Variants in SYK observed in about 807,000 individuals in gnomAD.
SYK encodes spleen associated tyrosine kinase, also known as tyrosine-protein kinase SYK.
In SYK, 16 loss-of-function variants were observed where a neutral mutation model predicts 77.8. That is an observed-to-expected ratio of 0.21 (90% CI 0.14 to 0.31). The LOEUF (loss-of-function observed/expected upper bound fraction) is 0.31. Ranked by LOEUF, SYK falls within the 10% of genes least tolerant of loss-of-function variation. The pLI, the probability that SYK is intolerant of heterozygous loss-of-function variation, is 1.00. For synonymous variants in SYK, 312 were observed against 308.7 expected (o/e 1.01, Z -0.11); for missense variants, 529 against 814.4 (o/e 0.65, Z 4.26).
At position 90,895,699 on chromosome 9, in the gene SYK, C is replaced by CT; in HGVS notation, c.*99_*100insT. 1 of 1,151,706 alleles carries CT rather than the reference C, an allele frequency of 8.7e-7. No individual in the cohort carries two copies. Among genetic ancestry groups the CT allele is most frequent in the Non-Finnish European group, 1.3e-6 (1 of 779,330 alleles). The allele number at this position is 1,151,706 out of a possible 1,614,324, so 71.3% of individuals were successfully genotyped here. ...TTGTCAGCCACCTCCCTCTGCCAGT[C>CT]GGGAGAGCCAGGCTTGGATGGAACA... On this transcript the variant is annotated 3_prime_UTR_variant, in exon 14 of 14. Coordinates refer to ENST00000375754, the MANE Select transcript of SYK (RefSeq NM_003177.7). This position sits in a 1 kb window ranked among gnomAD's most constrained non-coding sequence, Gnocchi z 4.4.
intron 13 of SYK, among the ~76,000 whole-genome samples, chr9:90,890,111 CTTCTGTCGA>C (rs1444078929): frequency 6.6e-6 from 1 of 152,200 alleles, no homozygotes. Context: ...GATCTATGTA[CTTCTGTCGA>C]TTCTTCTTTG....
intron 6 of SYK, 35 bp downstream of exon 6, chr9:90,865,132 C>G (rs774425144): frequency 2.5e-6 from 4 of 1,597,816 alleles, no homozygotes; most frequent in African/African-American, 2.7e-5. Flanking sequence ...GAATGAGAAG[C>G]TGTTGCATAT....
At position 90,888,496 on chromosome 9, in the gene SYK, C is replaced by A; in HGVS notation, c.1723-19C>A. On this transcript the variant is annotated intron_variant, in intron 12 of 13. Transcript: ENST00000375754. ...ACCTTTAAAAAAAAAAAAGCTTATG[C>A]ATATCTTGCATGTTGTAGGGGATGA... The A allele has an allele frequency of 6.5e-7, 1 of 1,547,928 alleles. No individual in the cohort carries two copies. The highest frequency in any genetic ancestry group is 8.7e-7 in the Non-Finnish European group (1 of 1,147,524).
At position 90,809,178 on chromosome 9, in the gene SYK, C is replaced by T. The variant is rs117718310; in HGVS notation, c.-42+7285C>T. ...TGGCGTTAGGTTCCCCAAATCACTG[C>T]TGGTGATCTTGTAGCTCTGTCATGA... On this transcript the variant is annotated intron_variant, in intron 1 of 13. Transcript: ENST00000375754. Among the ~76,000 whole-genome samples the T allele has an allele frequency of 6.6e-3, 998 of 152,302 alleles. 9 individuals carry two copies. Among genetic ancestry groups the T allele is most frequent in the African/African-American group, 0.016 (648 of 41,562 alleles).
chr9:90,809,334 AC>A (rs1195234012), intron 1 of SYK, among the ~76,000 whole-genome samples: 1 of 152,218 alleles, frequency 6.6e-6, no homozygotes, highest in Non-Finnish European at 1.5e-5. Context: ...TTGTCCAACC[AC>A]TGAGTGATGC....
chr9:90,875,570 CATTAT>C (rs1164581498), intron 9 of SYK, among the ~76,000 whole-genome samples: 4 of 151,990 alleles, frequency 2.6e-5, no homozygotes, highest in Non-Finnish European at 5.9e-5. Context: ...AAAATCATTC[CATTAT>C]AACAATAGTT....
intron 1 of SYK, among the ~76,000 whole-genome samples, chr9:90,843,476 A>G (rs995712316): frequency 2.0e-5 from 3 of 152,170 alleles, no homozygotes; most frequent in Non-Finnish European, 4.4e-5. Flanking sequence ...GTTCTCATGT[A>G]GATTCTGCCT....
rs202166418 is a variant in SYK at position 90,877,685 on chromosome 9, C to G, written c.1296C>G (p.Ile432Met). The G allele has an allele frequency of 6.2e-7, 1 of 1,614,112 alleles. No homozygotes were observed. The highest frequency in any genetic ancestry group is 8.5e-7 in the Non-Finnish European group (1 of 1,180,030). The change falls in exon 10 of 14, where the codon ATC becomes ATG. Residue 432 changes from isoleucine to methionine, a missense_variant. Physicochemically the swap from Ile to Met is conservative, Grantham distance 10 (BLOSUM62 1). Coordinates refer to ENST00000375754, the MANE Select transcript of SYK (RefSeq NM_003177.7). The stretch of plus-strand genomic sequence containing the variant: ...TGCAGCAGCTGGACAACCCGTACAT[C>G]GTGCGGATGATCGGGATATGCGAGG... The part of the protein sequence containing the change: ...NVMQQLDNPY[I>M]VRMIGICEAE...
chr9:90,892,402 G>C lies in SYK; in HGVS notation c.1836-3126G>C, dbSNP rs189570667. 5.3e-4 allele frequency among the ~76,000 whole-genome samples: 81 copies of C among 152,276 alleles called. No homozygotes were observed. The East Asian group carries it at 0.011, about 21-fold the overall frequency. ...TCTCCTTCCCAGAGGAATCTTTATG[G>C]CTTGCTGCAGGCATGAAGAGACAGG... On this transcript the variant is annotated intron_variant, in intron 13 of 13. Transcript: ENST00000375754.
At chr9:90,887,610 C>T in intron 11 of SYK, 139 bp from the exon 12 acceptor site, 1 of 932,254 alleles carries the variant, frequency 1.1e-6, no homozygotes, top group South Asian at 2.3e-5. Context: ...TTCCTCTTGG[C>T]CAGGCTGGTC....
chr9:90,829,800 T>G (rs1232583815), intron 1 of SYK, among the ~76,000 whole-genome samples: 1 of 152,250 alleles, frequency 6.6e-6, no homozygotes, highest in East Asian at 1.9e-4. Flanking sequence ...CAGTTAACAT[T>G]TATATTAACA....
At chr9:90,842,757 GAGTGT>G (rs1554708557) in intron 1 of SYK, among the ~76,000 whole-genome samples, 1 of 23,764 alleles carries the variant, frequency 4.2e-5, no homozygotes, top group African/African-American at 2.6e-4. Context: ...GGTATGGAGA[GAGTGT>G]GTGTGTGTGT....
Position 90,898,300 on chromosome 9 carries a change from A to G in SYK, c.*2700A>G, listed in dbSNP as rs1022995167. The G allele has an allele frequency of 2.6e-5, 6 of 228,776 alleles. No homozygotes were observed. The highest frequency in any genetic ancestry group is 1.1e-4 in the African/African-American group (5 of 44,908). 14.2% of individuals were successfully genotyped at this position (228,776 alleles called of 1,614,324 possible). A position where few individuals can be genotyped will look rare whatever the true frequency, so the allele number is the denominator to read the frequency against. ...TCATCTGAGCGTGTCCTTCTCCCAT[A>G]CTCCCTATCAGCCAGCCCTGCCTGT... On this transcript the variant is annotated 3_prime_UTR_variant, in exon 14 of 14. Transcript: ENST00000375754.
chr9:90,855,666 A>ATGTG (rs9299433), intron 3 of SYK, among the ~76,000 whole-genome samples: 10,171 of 149,022 alleles, frequency 0.068, 356 homozygotes, highest in South Asian at 0.12. Flanking sequence ...TTGAGTGAAT[A>ATGTG]TGTGTGTGTG....
intron 3 of SYK, among the ~76,000 whole-genome samples, chr9:90,851,985 G>T (rs757111073): frequency 2.0e-5 from 3 of 152,052 alleles, no homozygotes; most frequent in African/African-American, 4.8e-5. Flanking sequence ...CTTTAGAAAA[G>T]ATAATGTAAT....
intron 7 of SYK, among the ~76,000 whole-genome samples, chr9:90,871,196 G>A (rs1827714208): frequency 6.6e-6 from 1 of 152,220 alleles, no homozygotes; most frequent in Admixed American, 6.5e-5. Context: ...CTTTTGGAAG[G>A]TAGAAAGCGA....
intron 7 of SYK, among the ~76,000 whole-genome samples, chr9:90,869,277 CA>C (rs534386378): frequency 2.0e-4 from 29 of 143,884 alleles, no homozygotes; most frequent in South Asian, 6.6e-4. Context: ...ACCTTTCTGG[CA>C]AAAAAAAAAG....
chr9:90,885,291 G>A (rs976295390), intron 11 of SYK, among the ~76,000 whole-genome samples: 9 of 151,948 alleles, frequency 5.9e-5, no homozygotes, highest in Non-Finnish European at 1.3e-4. Context: ...CAGAAAAACA[G>A]TTCAGGATAT....
intron 1 of SYK, among the ~76,000 whole-genome samples, chr9:90,825,119 C>T (rs915823557): frequency 1.1e-5 from 1 of 93,362 alleles, no homozygotes; most frequent in Non-Finnish European, 2.5e-5. Flanking sequence ...ACCAAAAAGA[C>T]AAAAAAAAAA....
Sources: allele counts gnomAD v4.1 joint callset (sites outside exome capture counted in the v4.1 genomes callset), GRCh38; gene constraint gnomAD v4.1.1; non-coding constraint Gnocchi (gnomAD v3.1); transcripts MANE v1.5; gene names NCBI Gene and HGNC (gene_info 2026-07-23, HGNC 2026-07-21).